The following CFAP57 variants were observed in gnomAD, a reference collection of about 807,000 sequenced individuals.
The protein encoded by CFAP57 is cilia and flagella associated protein 57.
Under a neutral mutation model 146.8 loss-of-function variants are expected in CFAP57, and 116 were observed. That is an observed-to-expected ratio of 0.79 (90% confidence interval 0.68 to 0.92). The LOEUF is 0.92. Among genes scored for constraint, CFAP57 ranks in the 40% least tolerant of loss-of-function variants. The probability of loss-of-function intolerance (pLI) is 0.00; values close to 1 mark genes in which losing one functional copy is unlikely to be tolerated. For missense variants in CFAP57, 1,377 were observed against 1,527.2 expected (o/e 0.90, Z 1.64); for synonymous variants, 518 against 552.8 (o/e 0.94, Z 0.88).
At chr1:43,194,078 GA>G (rs1643712482) in intron 6 of CFAP57, among the ~76,000 whole-genome samples, 1 of 152,008 alleles carries the variant, frequency 6.6e-6, no homozygotes, top group Non-Finnish European at 1.5e-5. Flanking sequence ...GTGTGGATTT[GA>G]ATTACTATCT....
chr1:43,234,653 C>T lies in CFAP57; in HGVS notation c.3405+15C>T, dbSNP rs765956316. 18 of 1,543,280 alleles carry T rather than the reference C, an allele frequency of 1.2e-5. No homozygotes were observed. The highest frequency in any genetic ancestry group is 1.4e-5 in the African/African-American group (1 of 72,854). ...GCATCATGCAGGTACCTGCATGCTC[C>T]CCTCAGCCCCTGTGGAGGCCAAGCC... On this transcript the variant is annotated intron_variant, in intron 21 of 22. Transcript: ENST00000372492.
At chr1:43,230,831 T>C (rs1645437676) in intron 18 of CFAP57, among the ~76,000 whole-genome samples, 1 of 152,244 alleles carries the variant, frequency 6.6e-6, no homozygotes, top group Non-Finnish European at 1.5e-5. Flanking sequence ...TACTTCTTTC[T>C]TATCCTTGCA....
chr1:43,214,885 G>C (rs1439895599), intron 11 of CFAP57, among the ~76,000 whole-genome samples: 5 of 152,174 alleles, frequency 3.3e-5, no homozygotes, highest in Admixed American at 3.3e-4. Flanking sequence ...ATAATGCGGA[G>C]TATCTCTTCA....
At chr1:43,228,940 C>G (rs1311156132) in intron 18 of CFAP57, among the ~76,000 whole-genome samples, 2 of 148,930 alleles carry the variant, frequency 1.3e-5, no homozygotes, top group East Asian at 4.2e-4. Flanking sequence ...GCCTCTCGTA[C>G]AAGGGCACAA....
intron 6 of CFAP57, among the ~76,000 whole-genome samples, chr1:43,196,033 G>A (rs1643857815): frequency 6.6e-6 from 1 of 152,182 alleles, no homozygotes; most frequent in Non-Finnish European, 1.5e-5. Context: ...GAAAAAGGTT[G>A]GAATGTTTGA....
chr1:43,249,421 CTTTT>C (rs60189164), intron 22 of CFAP57, among the ~76,000 whole-genome samples: 2 of 67,924 alleles, frequency 2.9e-5, no homozygotes, highest in Admixed American at 3.5e-4. Flanking sequence ...TTAACCATTT[CTTTT>C]TTTTTTTTTT....
intron 21 of CFAP57, among the ~76,000 whole-genome samples, chr1:43,239,076 G>A (rs940346892): frequency 1.2e-4 from 19 of 152,112 alleles, no homozygotes; most frequent in African/African-American, 4.3e-4. Context: ...CCCTGGGGTT[G>A]CACACTGTCA....
intron 22 of CFAP57, chr1:43,250,077 T>C (rs1646279924): frequency 6.6e-6 from 1 of 152,264 alleles, no homozygotes; most frequent in Non-Finnish European, 1.5e-5. Flanking sequence ...AACTTGAAAA[T>C]TGCTTGGACT....
intron 11 of CFAP57, among the ~76,000 whole-genome samples, chr1:43,214,064 T>G (rs1644739260): frequency 6.6e-6 from 1 of 152,036 alleles, no homozygotes; most frequent in Admixed American, 6.5e-5. Context: ...TTTTGTATTT[T>G]TAGTACGGAT....
intron 18 of CFAP57, chr1:43,231,918 T>C (rs1476885266): frequency 6.9e-6 from 3 of 437,342 alleles, no homozygotes; most frequent in Non-Finnish European, 1.2e-5. Context: ...TTATTTTTCT[T>C]GTGAAGACAG....
In CFAP57 at chr1:43,250,063, C is replaced by T. The variant is rs539317917; in HGVS notation, c.3539-3914C>T. On this transcript the variant is annotated intron_variant, in intron 22 of 22. Coordinates refer to ENST00000372492, the MANE Select transcript of CFAP57 (RefSeq NM_001378189.1). ...GTTTAGTAAAGATTTACATAAGTCACGTGAACTTGAAAATTGCTTGGACTT... is the reference window on the plus strand; with the variant it reads ...GTTTAGTAAAGATTTACATAAGTCATGTGAACTTGAAAATTGCTTGGACTT... Among the ~76,000 whole-genome samples the T allele has an allele frequency of 3.3e-5, 5 of 152,142 alleles. No homozygotes were observed. In the South Asian group the frequency reaches 6.2e-4, roughly 19 times the overall value.
At chr1:43,219,614 C>T in intron 13 of CFAP57, 77 bp downstream of exon 13, 1 of 1,466,998 alleles carries the variant, frequency 6.8e-7, no homozygotes, top group Non-Finnish European at 9.3e-7. Context: ...CATATACTGC[C>T]CAAGCTATGC....
At chr1:43,208,000 C>T (rs545155795) in intron 10 of CFAP57, among the ~76,000 whole-genome samples, 1 of 152,352 alleles carries the variant, frequency 6.6e-6, no homozygotes, top group East Asian at 1.9e-4. Context: ...CTAGCTGGCA[C>T]ATTGTGTGGT....
At chr1:43,184,543 G>A (rs1347815236) in intron 4 of CFAP57, among the ~76,000 whole-genome samples, 1 of 152,016 alleles carries the variant, frequency 6.6e-6, no homozygotes, top group Non-Finnish European at 1.5e-5. Context: ...TGTAGACAAG[G>A]AAACTGAGGA....
Position 43,222,251 on chromosome 1 carries a change from T to C in CFAP57, c.2488T>C (p.Phe830Leu). ...CCAGGCCCTGGAGGAGCTGACTGAG[T>C]TTTACGAGGCAAAACTGCAGGAGAA... ...KSQALEELTE[F>L]YEAKLQEKTT... Residue 830 changes from phenylalanine (F) to leucine (L), a missense_variant, in exon 15 of 23, where the codon TTT (phenylalanine) becomes CTT (leucine). Physicochemically the swap from Phe to Leu is conservative, Grantham distance 22. Transcript: ENST00000372492. The C allele has an allele frequency of 6.8e-7, 1 of 1,479,802 alleles. No homozygotes were observed. Among genetic ancestry groups the C allele is most frequent in the Non-Finnish European group, 9.0e-7 (1 of 1,111,282 alleles). The allele number at this position is 1,479,802 out of a possible 1,614,324, so 91.7% of individuals were successfully genotyped here.
intron 12 of CFAP57, among the ~76,000 whole-genome samples, 179 bp downstream of exon 12, chr1:43,215,595 C>T (rs1644803791): frequency 6.6e-6 from 1 of 152,292 alleles, no homozygotes; most frequent in African/African-American, 2.4e-5. Context: ...TGCCACTGTC[C>T]ACCCGACTCT....
In CFAP57 at chr1:43,181,591, T is replaced by A. The variant is rs1645409246; in HGVS notation, c.215T>A (p.Leu72His). 1 of 1,614,130 alleles carries A rather than the reference T, an allele frequency of 6.2e-7. No individual in the cohort carries two copies. The highest frequency in any genetic ancestry group is 8.5e-7 in the Non-Finnish European group (1 of 1,180,044). ...TCCATCAGTCCCAATCGGCGGTACC[T>A]CGCTATCTCTGAGACTGTGCAAGAA... ...ALSISPNRRY[L>H]AISETVQEKP... Residue 72 changes from leucine to histidine, a missense_variant, in exon 3 of 23, where the codon CTC becomes CAC. Coordinates refer to ENST00000372492, the MANE Select transcript of CFAP57 (RefSeq NM_001378189.1).
Position 43,230,549 on chromosome 1 carries a change from C to T in CFAP57, c.3010-1959C>T, listed in dbSNP as rs528605125. ...AGCCTCTTCTCCCTCCCCTCTCCCC[C>T]CTCTTCAAATCCCTGCTCCTGCAGC... On this transcript the variant is annotated intron_variant, in intron 18 of 22. Transcript: ENST00000372492. Among the ~76,000 whole-genome samples the T allele has an allele frequency of 3.8e-3, 585 of 152,290 alleles. 4 individuals carry two copies. The highest frequency in any genetic ancestry group is 0.013 in the African/African-American group (556 of 41,566).
chr1:43,234,174 T>C, intron 19 of CFAP57, 105 bp from the exon 20 acceptor site: 11 of 1,286,034 alleles, frequency 8.6e-6, no homozygotes, highest in Non-Finnish European at 1.1e-5. Context: ...AAGTCCCAGA[T>C]GAGGCATCTC....
Sources: allele counts gnomAD v4.1 joint callset (sites outside exome capture counted in the v4.1 genomes callset), GRCh38; gene constraint gnomAD v4.1.1; transcripts MANE v1.5; gene names NCBI Gene and HGNC (gene_info 2026-07-23, HGNC 2026-07-21).